NLRP7: variants seen among roughly 807,000 people sequenced by gnomAD.
NLRP7 encodes NACHT, LRR and PYD domains-containing protein 7.
In NLRP7, 72 loss-of-function variants were observed where a neutral mutation model predicts 85.5. The observed-to-expected ratio is 0.84, with a 90% CI of 0.70 to 1.02. NLRP7 has a LOEUF of 1.02. NLRP7 is among the 50% of genes least tolerant of loss of function. The pLI is 0.00. For missense variants in NLRP7, 1,243 were observed against 1,219.5 expected (o/e 1.02, Z -0.29); for synonymous variants, 550 against 505.2 (o/e 1.09, Z -1.19).
exon 4 of NLRP7, chr19:54,940,276 G>A (rs752629343): frequency 4.5e-5 from 72 of 1,614,022 alleles, no homozygotes; most frequent in South Asian, 3.6e-4. Flanking sequence ...TTTTCCCCAC[G>A]CCTGCGGGGC....
chr19:54,943,326 G>T (rs1217097857), intron 1 of NLRP7, among the ~76,000 whole-genome samples: 1 of 152,008 alleles, frequency 6.6e-6, no homozygotes, highest in South Asian at 2.1e-4. Context: ...TAATGGCCGG[G>T]TGCGGTGGCT....
intron 1 of NLRP7, among the ~76,000 whole-genome samples, chr19:54,962,736 A>ACTAC (rs1407290685): frequency 3.3e-5 from 5 of 151,108 alleles, no homozygotes; most frequent in Non-Finnish European, 5.9e-5. Context: ...AGTAGCTGGG[A>ACTAC]CTACAGGCGC....
At chr19:54,933,310 T>A (rs1242148619) in intron 8 of NLRP7, among the ~76,000 whole-genome samples, 3 of 151,998 alleles carry the variant, frequency 2.0e-5, no homozygotes. Flanking sequence ...CACACCTGGC[T>A]AATTTTTGGT....
rs1036608836 is a variant in NLRP7 at position 54,934,203 on chromosome 19, C to T, written c.2471+286G>A. On this transcript the variant is annotated intron_variant, in intron 7 of 9. Transcript: ENST00000340844. The surrounding 1 kb of genome is among the most constrained non-coding windows in gnomAD (Gnocchi z 6.7). Reference sequence around the variant, plus strand: ...TGATCTCCCCGCCTTGGCCTCCCAACGTGCTGGGATTACAGGCATGAGCCA... The same window carrying T: ...TGATCTCCCCGCCTTGGCCTCCCAATGTGCTGGGATTACAGGCATGAGCCA... Among the ~76,000 whole-genome samples, 26 of 152,012 alleles carry T rather than the reference C, an allele frequency of 1.7e-4. No homozygotes were observed. The highest frequency in any genetic ancestry group is 2.1e-4 in the South Asian group (1 of 4,812).
At chr19:54,950,935 C>T (rs1190176653), upstream of NLRP7, among the ~76,000 whole-genome samples, 1 of 152,214 alleles carries the variant, frequency 6.6e-6, no homozygotes, top group African/African-American at 2.4e-5. Context: ...CTTTCCTAGG[C>T]AGAGGTCCCT....
At chr19:54,964,368 C>A (rs2070221927) in intron 1 of NLRP7, among the ~76,000 whole-genome samples, 1 of 150,548 alleles carries the variant, frequency 6.6e-6, no homozygotes. Flanking sequence ...AGGTGCCCGC[C>A]ACCACGCCCG....
chr19:54,932,985 C>T (rs192475630), intron 8 of NLRP7, among the ~76,000 whole-genome samples: 2 of 152,204 alleles, frequency 1.3e-5, no homozygotes, highest in African/African-American at 4.8e-5. Context: ...CAATCTACCT[C>T]CAATAGCAGG....
intron 8 of NLRP7, among the ~76,000 whole-genome samples, chr19:54,932,902 T>C (rs981645232): frequency 1.3e-5 from 2 of 151,926 alleles, no homozygotes; most frequent in African/African-American, 2.4e-5. Context: ...TGCCCACCAT[T>C]CACCACCTGT....
intron 4 of NLRP7, 117 bp downstream of exon 4, chr19:54,938,771 G>A (rs1213225680): frequency 1.4e-5 from 16 of 1,148,684 alleles, no homozygotes; most frequent in Admixed American, 6.9e-5. Flanking sequence ...GTGTCTCCAC[G>A]TTGAACATGA....
exon 4 of NLRP7, chr19:54,940,198 C>T (rs748771871): frequency 6.2e-7 from 1 of 1,614,028 alleles, no homozygotes; most frequent in Non-Finnish European, 8.5e-7. Flanking sequence ...TGAGGTAGAA[C>T]GCGTATCTGA....
chr19:54,952,040 C>T (rs1280308135), upstream of NLRP7, among the ~76,000 whole-genome samples: 1 of 152,134 alleles, frequency 6.6e-6, no homozygotes, highest in East Asian at 1.9e-4. Flanking sequence ...GCGTGAGCCA[C>T]CGCGCCCGGC....
chr19:54,939,463 G>A (rs2069106376), exon 4 of NLRP7: 1 of 1,613,904 alleles, frequency 6.2e-7, no homozygotes, highest in Admixed American at 1.7e-5. Flanking sequence ...GGCGGAGGAT[G>A]TCTCCGTCCA....
intron 1 of NLRP7, among the ~76,000 whole-genome samples, chr19:54,955,564 G>A (rs1315102348): frequency 6.6e-6 from 1 of 152,114 alleles, no homozygotes; most frequent in East Asian, 1.9e-4. Flanking sequence ...TTGGGAAGCT[G>A]AGGTGGGTGA....
chr19:54,932,582 C>T (rs2068722701), intron 8 of NLRP7, among the ~76,000 whole-genome samples: 1 of 152,150 alleles, frequency 6.6e-6, no homozygotes, highest in Admixed American at 6.6e-5. Context: ...TAACAAGATT[C>T]AGCCAACTAT....
At chr19:54,935,847 G>T (rs557216351) in intron 6 of NLRP7, among the ~76,000 whole-genome samples, 1 of 152,056 alleles carries the variant, frequency 6.6e-6, no homozygotes, top group Admixed American at 6.6e-5. Context: ...AGGCACCAAC[G>T]ATTAGCTCCT....
At chr19:54,954,446 C>CACTTGAA (rs2069783273) in intron 1 of NLRP7, among the ~76,000 whole-genome samples, 1 of 138,060 alleles carries the variant, frequency 7.2e-6, no homozygotes, top group African/African-American at 3.1e-5. Context: ...AGGAGAATGG[C>CACTTGAA]CTGAACCCAG....
chr19:54,951,704 C>T (rs2069674517), upstream of NLRP7, among the ~76,000 whole-genome samples: 1 of 152,078 alleles, frequency 6.6e-6, no homozygotes, highest in South Asian at 2.1e-4. Flanking sequence ...ACTTTTGCCT[C>T]CTCATCATTG....
intron 1 of NLRP7, among the ~76,000 whole-genome samples, chr19:54,962,663 G>A (rs1320269300): frequency 5.3e-5 from 8 of 150,622 alleles, no homozygotes; most frequent in Non-Finnish European, 1.2e-4. Context: ...GCAGTGGCGC[G>A]ATCTCAGCTC....
chr19:54,924,316 A>G (rs2068343282), intron 9 of NLRP7, among the ~76,000 whole-genome samples: 2 of 152,172 alleles, frequency 1.3e-5, no homozygotes, highest in South Asian at 2.1e-4. Flanking sequence ...GGGGATCCTT[A>G]TAAGTCTAAG....
Sources: allele counts gnomAD v4.1 joint callset (sites outside exome capture counted in the v4.1 genomes callset), GRCh38; gene constraint gnomAD v4.1.1; non-coding constraint Gnocchi (gnomAD v3.1); transcripts MANE v1.5; gene names NCBI Gene and HGNC (gene_info 2026-07-23, HGNC 2026-07-21).